The following TENM3 variants were observed in gnomAD, a reference collection of about 807,000 sequenced individuals.
The protein encoded by TENM3 is teneurin transmembrane protein 3, also known as teneurin-3.
TENM3 carries 63 observed loss-of-function variants against 255.1 expected under a neutral mutation model. The ratio of observed to expected loss-of-function variants is 0.25; its 90% CI spans 0.20 to 0.30. The LOEUF is 0.30. Among genes scored for constraint, TENM3 ranks in the 10% least tolerant of loss-of-function variants. TENM3 has a pLI of 1.00. For synonymous variants in TENM3, 1,306 were observed against 1,322.3 expected (o/e 0.99, Z 0.27); for missense variants, 2,929 against 3,461.1 (o/e 0.85, Z 3.86).
the TENM3 span, among the ~76,000 whole-genome samples, chr4:181,919,568 G>T: frequency 6.6e-6 from 1 of 152,038 alleles, no homozygotes; most frequent in Non-Finnish European, 1.5e-5. Context: ...TGGAACTACA[G>T]TTTGTTGAAA....
intron 6 of TENM3, among the ~76,000 whole-genome samples, chr4:182,664,413 C>T (rs921153515): frequency 1.3e-5 from 2 of 152,136 alleles, no homozygotes; most frequent in African/African-American, 2.4e-5. Context: ...GCATCCCCAC[C>T]ATCTTTCTCT....
the TENM3 span, among the ~76,000 whole-genome samples, chr4:181,827,449 G>T: frequency 1.3e-5 from 2 of 152,170 alleles, no homozygotes; most frequent in African/African-American, 4.8e-5. Context: ...CACCGGAGGA[G>T]CCTAAAAGTA....
chr4:181,691,349 G>A, the TENM3 span, among the ~76,000 whole-genome samples: 1 of 140,008 alleles, frequency 7.1e-6, no homozygotes, highest in East Asian at 2.2e-4. Flanking sequence ...GTTTAAGTGT[G>A]TATATACTTA....
intron 1 of TENM3, among the ~76,000 whole-genome samples, chr4:182,189,664 C>T (rs1753389534): frequency 6.6e-6 from 1 of 152,116 alleles, no homozygotes; most frequent in Non-Finnish European, 1.5e-5. Context: ...GTCTGGAAAA[C>T]TTCCAAAAGG....
At chr4:181,608,271 C>T in the TENM3 span, among the ~76,000 whole-genome samples, 4 of 152,276 alleles carry the variant, frequency 2.6e-5, no homozygotes, top group East Asian at 7.7e-4. Flanking sequence ...ATGAGTACAA[C>T]ATTAAAGCAA....
At chr4:181,594,351 T>C in the TENM3 span, among the ~76,000 whole-genome samples, 1 of 152,222 alleles carries the variant, frequency 6.6e-6, no homozygotes, top group Non-Finnish European at 1.5e-5. Context: ...TTAAAAGTTA[T>C]ACTTGATTTG....
the TENM3 span, among the ~76,000 whole-genome samples, chr4:181,784,857 C>CA: frequency 6.6e-6 from 1 of 152,082 alleles, no homozygotes; most frequent in African/African-American, 2.4e-5. Flanking sequence ...AAGGGAGTAA[C>CA]ATAATGGGAC....
intron 3 of TENM3, among the ~76,000 whole-genome samples, chr4:182,494,693 T>G (rs1230738950): frequency 6.6e-6 from 1 of 152,222 alleles, no homozygotes; most frequent in African/African-American, 2.4e-5. Flanking sequence ...CTTCTGTAAT[T>G]TCAGATTTCT....
intron 3 of TENM3, among the ~76,000 whole-genome samples, chr4:182,389,722 G>A (rs1427325094): frequency 3.3e-4 from 39 of 118,188 alleles, no homozygotes; most frequent in Middle Eastern, 9.3e-3. Flanking sequence ...GTCTCGCTCT[G>A]TCGCCCAGGC....
the TENM3 span, among the ~76,000 whole-genome samples, chr4:182,042,285 T>C: frequency 6.6e-6 from 1 of 152,218 alleles, no homozygotes; most frequent in Non-Finnish European, 1.5e-5. Flanking sequence ...AACCATGGTC[T>C]AGCAATTTAA....
intron 1 of TENM3, among the ~76,000 whole-genome samples, chr4:182,263,160 G>A (rs1322915491): frequency 6.6e-6 from 1 of 152,132 alleles, no homozygotes; most frequent in African/African-American, 2.4e-5. Context: ...ACCCTGAGCC[G>A]CGGGGTCAGG....
the TENM3 span, among the ~76,000 whole-genome samples, chr4:182,136,998 T>A: frequency 6.6e-6 from 1 of 151,532 alleles, no homozygotes; most frequent in Admixed American, 6.6e-5. Context: ...AATACAACGT[T>A]GTGTTAAACT....
At chr4:182,608,163 T>G (rs1748614300) in intron 4 of TENM3, among the ~76,000 whole-genome samples, 1 of 152,234 alleles carries the variant, frequency 6.6e-6, no homozygotes, top group Non-Finnish European at 1.5e-5. Flanking sequence ...TGCATACATA[T>G]TTTATGTCTA....
At chr4:181,962,273 C>T in the TENM3 span, among the ~76,000 whole-genome samples, 12 of 152,208 alleles carry the variant, frequency 7.9e-5, no homozygotes, top group Non-Finnish European at 1.6e-4. Flanking sequence ...AGTTTGAAAA[C>T]GTCAGCCAGG....
At chr4:181,540,147 G>A in the TENM3 span, among the ~76,000 whole-genome samples, 1 of 152,246 alleles carries the variant, frequency 6.6e-6, no homozygotes, top group African/African-American at 2.4e-5. Flanking sequence ...ACGCCATGAT[G>A]AGAAGACCTC....
intron 22 of TENM3, among the ~76,000 whole-genome samples, chr4:182,772,409 T>A (rs1313238150): frequency 6.6e-6 from 1 of 152,216 alleles, no homozygotes; most frequent in Non-Finnish European, 1.5e-5. Flanking sequence ...GTGTCTGGGC[T>A]TACTTCAAGT....
intron 12 of TENM3, among the ~76,000 whole-genome samples, chr4:182,700,759 T>C (rs1031947676): frequency 2.0e-5 from 3 of 152,166 alleles, no homozygotes; most frequent in Admixed American, 6.5e-5. Flanking sequence ...ATTATGTTGG[T>C]GGGGAATCTA....
rs140040253 is a variant in TENM3 at position 182,235,756 on chromosome 4, T to C, written c.-75-88190T>C. The stretch of plus-strand genomic sequence containing the variant: ...ATGCTGAGCACTTGACCCAATGAGA[T>C]ACAAAAACCCTGGCGTTAGGAAGGA... On this transcript the variant is annotated intron_variant, in intron 1 of 2. Coordinates refer to the TENM3 transcript ENST00000512480. 4.3e-4 allele frequency among the ~76,000 whole-genome samples: 66 copies of C among 152,258 alleles called. 1 individual carries two copies. The highest frequency in any genetic ancestry group is 1.5e-3 in the African/African-American group (61 of 41,544).
the TENM3 span, among the ~76,000 whole-genome samples, chr4:181,509,809 C>A: frequency 1.3e-5 from 2 of 152,242 alleles, no homozygotes; most frequent in African/African-American, 4.8e-5. Flanking sequence ...TTCAATGGCA[C>A]ATGTGAGTGC....
Sources: gnomAD v4.1 joint callset for allele counts (sites outside exome capture counted in the v4.1 genomes callset) on GRCh38, gnomAD v4.1.1 for gene constraint, MANE v1.5 for transcripts, NCBI Gene and HGNC (gene_info 2026-07-23, HGNC 2026-07-21) for gene names.